The following DNM3 variants were observed in gnomAD, a reference collection of about 807,000 sequenced individuals.
DNM3 encodes the protein dynamin-3.
In DNM3, 47 loss-of-function variants were observed where a neutral mutation model predicts 101.6. The ratio of observed to expected loss-of-function variants is 0.46; its 90% CI spans 0.37 to 0.59. The LOEUF is 0.59. Ranked by LOEUF, DNM3 falls within the 20% of genes least tolerant of loss-of-function variation. The pLI, the probability that DNM3 is intolerant of heterozygous loss-of-function variation, is 0.00. For missense variants in DNM3, 849 were observed against 1,085.7 expected, an observed-to-expected ratio of 0.78 and a Z score of 3.06; for synonymous variants, 385 against 387.9, an observed-to-expected ratio of 0.99 and a Z score of 0.09.
At chr1:172,372,194 C>T (rs1418405093) in intron 17 of DNM3, among the ~76,000 whole-genome samples, 1 of 150,794 alleles carries the variant, frequency 6.6e-6, no homozygotes, top group African/African-American at 2.4e-5. Context: ...CGATAGTTTA[C>T]TGAGAATGAT....
At chr1:172,094,457 T>G (rs1263743182) in intron 13 of DNM3, among the ~76,000 whole-genome samples, 1 of 152,130 alleles carries the variant, frequency 6.6e-6, no homozygotes, top group Non-Finnish European at 1.5e-5. Flanking sequence ...CCCCATGATA[T>G]TTTGGGAAGA....
chr1:172,066,204 T>C (rs910489887), intron 10 of DNM3, among the ~76,000 whole-genome samples: 2 of 149,146 alleles, frequency 1.3e-5, no homozygotes, highest in African/African-American at 5.2e-5. Context: ...TGTGACTCTG[T>C]GTGTGTGTGC....
chr1:172,338,420 C>T (rs2066542076), intron 17 of DNM3, among the ~76,000 whole-genome samples: 1 of 152,136 alleles, frequency 6.6e-6, no homozygotes, highest in African/African-American at 2.4e-5. Flanking sequence ...GAGAATCATG[C>T]CCTAAGTCTG....
chr1:172,168,016 C>T (rs1394598362), intron 14 of DNM3, among the ~76,000 whole-genome samples: 1 of 151,920 alleles, frequency 6.6e-6, no homozygotes, highest in East Asian at 1.9e-4. Flanking sequence ...AAAGGGAAAA[C>T]ATGAACATAC....
chr1:172,049,274 A>C (rs1238022630), intron 10 of DNM3, among the ~76,000 whole-genome samples: 1 of 152,122 alleles, frequency 6.6e-6, no homozygotes, highest in African/African-American at 2.4e-5. Context: ...CTTGGGCTTA[A>C]CCTCTCTAGT....
At chr1:172,294,360 A>G (rs1157741775) in intron 15 of DNM3, among the ~76,000 whole-genome samples, 3 of 152,186 alleles carry the variant, frequency 2.0e-5, no homozygotes, top group Non-Finnish European at 4.4e-5. Context: ...TTTAAAAAAT[A>G]AGCACTGTCC....
intron 17 of DNM3, among the ~76,000 whole-genome samples, chr1:172,345,419 T>G (rs1015432989): frequency 2.0e-5 from 3 of 152,234 alleles, no homozygotes; most frequent in Non-Finnish European, 4.4e-5. Flanking sequence ...GCTTCCTAAG[T>G]GAACTACTCC....
chr1:172,178,262 TAAG>T (rs750139878), intron 14 of DNM3, among the ~76,000 whole-genome samples: 6 of 151,922 alleles, frequency 3.9e-5, no homozygotes, highest in African/African-American at 7.2e-5. Flanking sequence ...ATGGCTGTAA[TAAG>T]AAGAAGAAAA....
At chr1:171,881,932 A>C (rs2036299428) in intron 1 of DNM3, among the ~76,000 whole-genome samples, 1 of 152,248 alleles carries the variant, frequency 6.6e-6, no homozygotes, top group Admixed American at 6.5e-5. Context: ...CTTTTAAAAT[A>C]GTACATTTAC....
chr1:171,964,569 A>T (rs990138523), intron 2 of DNM3, among the ~76,000 whole-genome samples: 2 of 152,118 alleles, frequency 1.3e-5, no homozygotes, highest in African/African-American at 4.8e-5. Flanking sequence ...CCTTGGGCAC[A>T]TGTTCTCAGG....
At chr1:172,238,095 C>G (rs1283040024) in intron 14 of DNM3, among the ~76,000 whole-genome samples, 2 of 152,158 alleles carry the variant, frequency 1.3e-5, no homozygotes, top group Non-Finnish European at 2.9e-5. Flanking sequence ...TTGGTGCAAA[C>G]ACAAGCACTA....
chr1:171,877,893 G>A (rs1339404706), intron 1 of DNM3, among the ~76,000 whole-genome samples: 3 of 152,152 alleles, frequency 2.0e-5, no homozygotes, highest in Non-Finnish European at 4.4e-5. Flanking sequence ...TAGACCGGGT[G>A]TCTGATTATG....
chr1:171,999,311 T>C (rs577475625), intron 4 of DNM3, among the ~76,000 whole-genome samples: 1 of 152,206 alleles, frequency 6.6e-6, no homozygotes, highest in East Asian at 1.9e-4. Context: ...TTCATGTGTT[T>C]GAAAGAAAGA....
At chr1:172,298,367 G>A (rs1204351367) in intron 15 of DNM3, among the ~76,000 whole-genome samples, 2 of 152,192 alleles carry the variant, frequency 1.3e-5, no homozygotes, top group Non-Finnish European at 2.9e-5. Flanking sequence ...AGATGTCTCA[G>A]TTGTCATGGG....
rs115587958 is a variant in DNM3 at position 172,297,788 on chromosome 1, G to A, written c.1770-10940G>A. The stretch of plus-strand genomic sequence containing the variant: ...TTTTATTAGAACTTCATATGCCTCA[G>A]TTGTATCTTTTCTCATTAATTCCAC... On this transcript the variant is annotated intron_variant, in intron 15 of 20. Coordinates refer to ENST00000627582, the MANE Select transcript of DNM3 (RefSeq NM_015569.5). 4.8e-3 allele frequency among the ~76,000 whole-genome samples: 731 copies of A among 152,132 alleles called. 4 individuals are homozygous for A. Among genetic ancestry groups the A allele is most frequent in the African/African-American group, 0.017 (691 of 41,512 alleles).
At chr1:172,140,870 A>G (rs2057540890) in intron 14 of DNM3, among the ~76,000 whole-genome samples, 1 of 152,092 alleles carries the variant, frequency 6.6e-6, no homozygotes, top group Non-Finnish European at 1.5e-5. Flanking sequence ...TGTTAAAAAG[A>G]TGAAAGACTG....
intron 17 of DNM3, among the ~76,000 whole-genome samples, chr1:172,333,696 A>C (rs2066292819): frequency 6.6e-6 from 1 of 152,176 alleles, no homozygotes; most frequent in South Asian, 2.1e-4. Flanking sequence ...TGTAAAAAGA[A>C]AACAATAATA....
chr1:172,308,707 T>C (rs774738896), intron 15 of DNM3, 21 bp from the exon 16 acceptor site: 11 of 796,406 alleles, frequency 1.4e-5, no homozygotes, highest in Non-Finnish European at 1.9e-5. Flanking sequence ...AAAGCATGAT[T>C]TTTTTTTTTT....
At chr1:172,371,049 C>G (rs2068295477) in intron 17 of DNM3, among the ~76,000 whole-genome samples, 1 of 151,994 alleles carries the variant, frequency 6.6e-6, no homozygotes, top group South Asian at 2.1e-4. Flanking sequence ...TTCTCAAAAG[C>G]CATCACTTTT....
Sources: gnomAD v4.1 joint callset for allele counts (sites outside exome capture counted in the v4.1 genomes callset) on GRCh38, gnomAD v4.1.1 for gene constraint, MANE v1.5 for transcripts, NCBI Gene and HGNC (gene_info 2026-07-23, HGNC 2026-07-21) for gene names.